CALHM5: variants seen among roughly 807,000 people sequenced by gnomAD.
The protein encoded by CALHM5 is calcium homeostasis modulator family member 5.
In CALHM5, 17 loss-of-function variants were observed where a neutral mutation model predicts 20.9. That is an observed-to-expected ratio of 0.82 (90% CI 0.56 to 1.22). The LOEUF (loss-of-function observed/expected upper bound fraction) is 1.22. CALHM5 is among the 50% of genes most tolerant of loss of function. CALHM5 has a pLI of 0.00. For missense variants in CALHM5, 360 were observed against 364.6 expected, an observed-to-expected ratio of 0.99 and a Z score of 0.10; for synonymous variants, 148 against 140.0, an observed-to-expected ratio of 1.06 and a Z score of -0.40.
Position 116,512,014 on chromosome 6 carries a change from C to CTCAT in CALHM5, c.320_323dup (p.Leu108PhefsTer20). On this transcript the variant is annotated frameshift_variant, in exon 1 of 2. Transcript: ENST00000368599. LOFTEE classifies it high-confidence loss of function. The stretch of plus-strand genomic sequence containing the variant: ...ACGTCCTCGGCCAGATCACTCTGAG[C>CTCAT]TCATTGGTGGCTCCAGTGATGTGGC... 6.2e-7 allele frequency: 1 copy of CTCAT among 1,613,998 alleles called. No individual in the cohort carries two copies. Among genetic ancestry groups the CTCAT allele is most frequent in the Non-Finnish European group, 8.5e-7 (1 of 1,179,956 alleles).
At chr6:116,512,383 C>A in intron 1 of CALHM5, 147 bp downstream of exon 1, 2 of 933,080 alleles carry the variant, frequency 2.1e-6, no homozygotes, top group South Asian at 2.0e-5. Context: ...GAGACTATCT[C>A]AGGAAAAGCT....
intron 1 of CALHM5, among the ~76,000 whole-genome samples, chr6:116,515,203 A>G (rs1772199054): frequency 6.6e-6 from 1 of 152,214 alleles, no homozygotes; most frequent in Admixed American, 6.5e-5. Context: ...ATGCCTAAAA[A>G]TGCCTGGCTG....
Position 116,523,535 on chromosome 6 carries a change from A to C in CALHM5, c.*7546A>C, listed in dbSNP as rs1772384435. ...AAACATTTTGCAACCTTTGATGACA[A>C]AATGGATCTAGACAATAAATAATGA... On this transcript the variant is annotated 3_prime_UTR_variant, in exon 2 of 2. Transcript: ENST00000368599. The C allele has an allele frequency of 6.6e-6, 1 of 152,206 alleles. No individual in the cohort carries two copies. Among genetic ancestry groups the C allele is most frequent in the South Asian group, 2.1e-4 (1 of 4,826 alleles). 9.4% of individuals were successfully genotyped at this position (152,206 alleles called of 1,614,324 possible). A position where few individuals can be genotyped will look rare whatever the true frequency, so the allele number is the denominator to read the frequency against.
In CALHM5 at chr6:116,515,594, C is replaced by A; in HGVS notation, c.541-6C>A. On this transcript the variant is annotated splice_region_variant and splice_polypyrimidine_tract_variant and intron_variant, in intron 1 of 1. Coordinates refer to ENST00000368599, the MANE Select transcript of CALHM5 (RefSeq NM_153711.5). ...CGTGTGTACTCAATATTTCTTTCTT[C>A]TTAAGATTCTAGGATGGTGCCTGAT... 1 of 1,598,650 alleles carries A rather than the reference C, an allele frequency of 6.3e-7. No homozygotes were observed. The highest frequency in any genetic ancestry group is 1.1e-5 in the South Asian group (1 of 88,798).
rs946276588 is a variant in CALHM5 at position 116,521,552 on chromosome 6, C to T, written c.*5563C>T. 4.6e-5 allele frequency: 7 copies of T among 151,052 alleles called. No homozygotes were observed. The highest frequency in any genetic ancestry group is 1.5e-4 in the African/African-American group (6 of 41,042). 9.4% of individuals were successfully genotyped at this position (151,052 alleles called of 1,614,324 possible). A position where few individuals can be genotyped will look rare whatever the true frequency, so the allele number is the denominator to read the frequency against. ...AGAGACAGAGAGCAAATTTGCCCAT[C>T]CTCTCCCTTTTTGTCCTACCCAGGC... On this transcript the variant is annotated 3_prime_UTR_variant, in exon 2 of 2. Transcript: ENST00000368599.
At chr6:116,513,976 G>A (rs1233130167) in intron 1 of CALHM5, among the ~76,000 whole-genome samples, 1 of 152,134 alleles carries the variant, frequency 6.6e-6, no homozygotes, top group Non-Finnish European at 1.5e-5. Context: ...CACTTACTTT[G>A]GAGAGTTGTC....
Position 116,518,350 on chromosome 6 carries a change from C to T in CALHM5, c.*2361C>T, listed in dbSNP as rs1042239237. On this transcript the variant is annotated 3_prime_UTR_variant, in exon 2 of 2. Transcript: ENST00000368599. ...GAGAATTGGCCAGTGTGGGAGAAAA[C>T]CCACACAGTTGGTGGCAAGGAGTGT... is the stretch of plus-strand genomic sequence containing the variant. The T allele has an allele frequency of 3.3e-5, 5 of 152,046 alleles. No individual in the cohort carries two copies. Among genetic ancestry groups the T allele is most frequent in the African/African-American group, 1.2e-4 (5 of 41,394 alleles). 9.4% of individuals were successfully genotyped at this position (152,046 alleles called of 1,614,324 possible).
At position 116,519,429 on chromosome 6, in the gene CALHM5, G is replaced by C. The variant is rs1442128098; in HGVS notation, c.*3440G>C. 6.6e-6 allele frequency: 1 copy of C among 152,224 alleles called. No individual in the cohort carries two copies. The highest frequency in any genetic ancestry group is 1.5e-5 in the Non-Finnish European group (1 of 68,086). The allele number at this position is 152,224 out of a possible 1,614,324, so 9.4% of individuals were successfully genotyped here. ...GAGAGCATTCCCCAGAAAACTCCAG[G>C]TGAGGAGTCTCCAGTGGCCCAAGGG... is the stretch of plus-strand genomic sequence containing the variant. On this transcript the variant is annotated 3_prime_UTR_variant, in exon 2 of 2. Transcript: ENST00000368599.
intron 1 of CALHM5, among the ~76,000 whole-genome samples, chr6:116,512,718 G>A (rs1451283119): frequency 6.6e-6 from 1 of 152,170 alleles, no homozygotes; most frequent in Non-Finnish European, 1.5e-5. Flanking sequence ...TAATTAGTGT[G>A]GAGATTCTCT....
intron 1 of CALHM5, among the ~76,000 whole-genome samples, chr6:116,513,710 T>G (rs1772169455): frequency 6.6e-6 from 1 of 152,164 alleles, no homozygotes; most frequent in South Asian, 2.1e-4. Context: ...AGGCAGCATA[T>G]AGTCCAGACC....
In CALHM5 at chr6:116,524,631, C is replaced by A. The variant is rs903074852; in HGVS notation, c.*8642C>A. On this transcript the variant is annotated 3_prime_UTR_variant, in exon 2 of 2. Coordinates refer to ENST00000368599, the MANE Select transcript of CALHM5 (RefSeq NM_153711.5). Reference sequence around the variant, plus strand: ...CTTTATTACTAACAAGATGTTTTATCCTATATTCTCATTGGTTTCTTTATC... The same window carrying A: ...CTTTATTACTAACAAGATGTTTTATACTATATTCTCATTGGTTTCTTTATC... 6.6e-6 allele frequency: 1 copy of A among 152,036 alleles called. No individual in the cohort carries two copies. The highest frequency in any genetic ancestry group is 1.5e-5 in the Non-Finnish European group (1 of 68,008). 9.4% of individuals were successfully genotyped at this position (152,036 alleles called of 1,614,324 possible).
rs1192454388 is a variant in CALHM5, at chr6:116,521,991, G to GC, written c.*6005dup. 5 of 151,964 alleles carry GC rather than the reference G, an allele frequency of 3.3e-5. No individual in the cohort carries two copies. Among genetic ancestry groups the GC allele is most frequent in the African/African-American group, 1.2e-4 (5 of 41,346 alleles). The allele number at this position is 151,964 out of a possible 1,614,324, so 9.4% of individuals were successfully genotyped here. On this transcript the variant is annotated 3_prime_UTR_variant, in exon 2 of 2. Transcript: ENST00000368599. ...TCAGGGACTACCAAGCTCTGAAGAG[G>GC]CCCAAGCTAGCCAGTGGGAGGAGAG...
Position 116,514,892 on chromosome 6 carries a change from C to A in CALHM5, c.541-708C>A, listed in dbSNP as rs538442763. Reference sequence around the variant, plus strand: ...AGTTTTCCAAACATAAAATTAATTTCAATTGTGAAAACAGAGTTAGAGCCA... The same window carrying A: ...AGTTTTCCAAACATAAAATTAATTTAAATTGTGAAAACAGAGTTAGAGCCA... On this transcript the variant is annotated intron_variant, in intron 1 of 1. Coordinates refer to ENST00000368599, the MANE Select transcript of CALHM5 (RefSeq NM_153711.5). Among the ~76,000 whole-genome samples the A allele has an allele frequency of 2.0e-5, 3 of 152,228 alleles. No individual in the cohort carries two copies. The East Asian group carries it at 5.8e-4, about 29-fold the overall frequency.
chr6:116,512,958 A>G (rs1014743927), intron 1 of CALHM5, among the ~76,000 whole-genome samples: 5 of 152,244 alleles, frequency 3.3e-5, no homozygotes, highest in African/African-American at 1.2e-4. Flanking sequence ...GAAGGAAATC[A>G]TATCTTTACC....
intron 1 of CALHM5, among the ~76,000 whole-genome samples, chr6:116,515,313 G>A (rs1300505703): frequency 1.3e-5 from 2 of 152,140 alleles, no homozygotes; most frequent in Non-Finnish European, 2.9e-5. Flanking sequence ...TAAGTCTTAT[G>A]TAATCTATAC....
Position 116,511,952 on chromosome 6 carries a change from A to G in CALHM5, c.256A>G (p.Lys86Glu). ...LFTGCCVNPR[K>E]IFPRGHSCRF... Reference sequence around the variant, plus strand: ...CACAGGCTGCTGTGTGAATCCCAGGAAAATCTTTCCCAGAGGCCACAGCTG... The same window carrying G: ...CACAGGCTGCTGTGTGAATCCCAGGGAAATCTTTCCCAGAGGCCACAGCTG... Residue 86 changes from lysine (K) to glutamate (E), a missense_variant, in exon 1 of 2, where the codon AAA becomes GAA. Transcript: ENST00000368599. 1.2e-6 allele frequency: 2 copies of G among 1,614,020 alleles called. No individual in the cohort carries two copies. The highest frequency in any genetic ancestry group is 1.7e-6 in the Non-Finnish European group (2 of 1,180,004).
At chr6:116,513,456 A>T (rs1005141905) in intron 1 of CALHM5, among the ~76,000 whole-genome samples, 2 of 152,212 alleles carry the variant, frequency 1.3e-5, no homozygotes, top group Non-Finnish European at 2.9e-5. Context: ...CTCAGTCACC[A>T]GGCTCCATTC....
In CALHM5 at chr6:116,515,803, C is replaced by T. The variant is rs776303268; in HGVS notation, c.744C>T (p.Asn248=). The T allele has an allele frequency of 6.2e-6, 10 of 1,613,754 alleles. No homozygotes were observed. The African/African-American group carries it at 6.7e-5, about 11-fold the overall frequency. The change falls in exon 2 of 2, where the codon AAC becomes AAT. Residue 248 remains asparagine (N), a synonymous_variant. Coordinates refer to ENST00000368599, the MANE Select transcript of CALHM5 (RefSeq NM_153711.5). Reference sequence around the variant, plus strand: ...GGAACCTGAAATGTTTTTTTGAAAACAAGAGGCCAGATCCTTTTCCCATGC... The same window carrying T: ...GGAACCTGAAATGTTTTTTTGAAAATAAGAGGCCAGATCCTTTTCCCATGC... ...SERNLKCFFE[N]KRPDPFPMPT... is the part of the protein sequence containing the mutation.
In CALHM5 at chr6:116,524,059, G is replaced by A. The variant is rs1772397377; in HGVS notation, c.*8070G>A. On this transcript the variant is annotated 3_prime_UTR_variant, in exon 2 of 2. Transcript: ENST00000368599. ...AGAATTATTAATTTTGCTATGTGTG[G>A]TAATGGTGTGCCGATTTATGTTTTT... The A allele has an allele frequency of 6.6e-6, 1 of 152,150 alleles. No individual in the cohort carries two copies. The highest frequency in any genetic ancestry group is 6.5e-5 in the Admixed American group (1 of 15,282). The allele number at this position is 152,150 out of a possible 1,614,324, so 9.4% of individuals were successfully genotyped here.
Sources: allele counts gnomAD v4.1 joint callset (sites outside exome capture counted in the v4.1 genomes callset), GRCh38; gene constraint gnomAD v4.1.1; transcripts MANE v1.5; gene names NCBI Gene and HGNC (gene_info 2026-07-23, HGNC 2026-07-21).